Variants in LRBA observed in about 807,000 individuals in gnomAD.
LRBA encodes the protein LPS responsive beige-like anchor protein, also known as lipopolysaccharide-responsive and beige-like anchor protein.
Under a neutral mutation model 330.0 loss-of-function variants are expected in LRBA, and 176 were observed. That is an observed-to-expected ratio of 0.53 (90% CI 0.47 to 0.60). LRBA has a LOEUF of 0.60. LRBA is among the 20% of genes least tolerant of loss of function. The probability of loss-of-function intolerance (pLI) is 0.00; values close to 1 mark genes in which losing one functional copy is unlikely to be tolerated. For missense variants in LRBA, 3,259 were observed against 3,444.8 expected (o/e 0.95, Z 1.35); for synonymous variants, 1,230 against 1,193.0 (o/e 1.03, Z -0.64).
intron 44 of LRBA, among the ~76,000 whole-genome samples, chr4:150,442,696 T>C (rs1427868395): frequency 6.6e-6 from 1 of 152,088 alleles, no homozygotes; most frequent in Non-Finnish European, 1.5e-5. Flanking sequence ...AGGAAAAAAC[T>C]AGTAAGGAAT....
At chr4:150,665,463 C>T (rs764434077) in intron 37 of LRBA, among the ~76,000 whole-genome samples, 9 of 152,080 alleles carry the variant, frequency 5.9e-5, no homozygotes, top group Admixed American at 2.0e-4. Context: ...TGAGACGCTA[C>T]GTTAACACTT....
chr4:150,411,439 T>C (rs971273172), intron 47 of LRBA, among the ~76,000 whole-genome samples: 2 of 152,186 alleles, frequency 1.3e-5, no homozygotes, highest in African/African-American at 4.8e-5. Context: ...ATGCTGGGTA[T>C]CTTAAAATGA....
chr4:150,697,893 T>C (rs1421712686), intron 36 of LRBA, among the ~76,000 whole-genome samples: 1 of 152,118 alleles, frequency 6.6e-6, no homozygotes. Context: ...ATTCAAGCTA[T>C]AAAACTTTTT....
chr4:150,683,974 C>G, intron 36 of LRBA: 1 of 331,262 alleles, frequency 3.0e-6, no homozygotes, highest in East Asian at 5.2e-5. Context: ...GAGACAAAGA[C>G]AGTCTTGTAA....
chr4:150,957,262 GTGGAACTGGGGAGGCCTCACAATCA>G (rs1175551187), intron 2 of LRBA, among the ~76,000 whole-genome samples: 2 of 148,536 alleles, frequency 1.3e-5, no homozygotes, highest in Non-Finnish European at 2.9e-5. Flanking sequence ...CCACTCCCCA[GTGGAACTGGGGAGGCCTCACAATCA>G]TGGCTGAAGG....
chr4:150,379,988 C>T (rs553170031), intron 47 of LRBA, among the ~76,000 whole-genome samples: 2 of 139,416 alleles, frequency 1.4e-5, no homozygotes, highest in South Asian at 2.3e-4. Flanking sequence ...CATGGAGAAA[C>T]CCCATTTCTA....
At chr4:150,851,743 T>C (rs1414862239) in intron 23 of LRBA, 142 bp downstream of exon 23, 5 of 847,464 alleles carry the variant, frequency 5.9e-6, no homozygotes, top group South Asian at 2.6e-5. Context: ...TGATCTGAAA[T>C]ACAATCTTCA....
chr4:150,377,406 T>C (rs1741510768), intron 47 of LRBA, among the ~76,000 whole-genome samples: 1 of 152,192 alleles, frequency 6.6e-6, no homozygotes, highest in Non-Finnish European at 1.5e-5. Context: ...GCATTTAAGG[T>C]AACACTCATA....
At chr4:150,734,124 G>A (rs1033462779) in intron 36 of LRBA, among the ~76,000 whole-genome samples, 1 of 151,904 alleles carries the variant, frequency 6.6e-6, no homozygotes, top group Non-Finnish European at 1.5e-5. Flanking sequence ...TATTTGTATT[G>A]TTTTCTTATA....
chr4:150,812,930 G>A (rs1029596753), intron 31 of LRBA, among the ~76,000 whole-genome samples: 2 of 152,042 alleles, frequency 1.3e-5, no homozygotes, highest in African/African-American at 2.4e-5. Context: ...GGTGAAAGTG[G>A]AAGGATCACT....
chr4:150,500,190 A>T (rs144355918), intron 40 of LRBA, among the ~76,000 whole-genome samples: 1 of 152,232 alleles, frequency 6.6e-6, no homozygotes, highest in African/African-American at 2.4e-5. Flanking sequence ...TTATGTGTAT[A>T]CAACATCTTT....
intron 2 of LRBA, among the ~76,000 whole-genome samples, chr4:150,935,292 C>A (rs1292258958): frequency 6.6e-6 from 1 of 151,882 alleles, no homozygotes; most frequent in East Asian, 1.9e-4. Flanking sequence ...AACTTCAGCT[C>A]AAAATGTCAT....
At chr4:150,308,781 T>C (rs1184392474) in intron 52 of LRBA, among the ~76,000 whole-genome samples, 1 of 152,190 alleles carries the variant, frequency 6.6e-6, no homozygotes, top group Non-Finnish European at 1.5e-5. Context: ...TAAGGATATA[T>C]AGAAAATATT....
rs547602828 is a variant in LRBA at position 150,499,537 on chromosome 4, G to C, written c.6331-8502C>G. ...TGCCTGTAGTTCCGGCTACTCCAGA[G>C]GCTGAGGTGGGAGGACTGCTCGAGC... On this transcript the variant is annotated intron_variant, in intron 40 of 56. Coordinates refer to ENST00000651943, the MANE Select transcript of LRBA (RefSeq NM_001364905.1). Among the ~76,000 whole-genome samples, 5 of 152,216 alleles carry C rather than the reference G, an allele frequency of 3.3e-5. No homozygotes were observed. In the East Asian group the frequency reaches 5.8e-4, roughly 18 times the overall value.
intron 46 of LRBA, among the ~76,000 whole-genome samples, chr4:150,421,057 TA>T: frequency 1.2e-4 from 5 of 41,798 alleles, no homozygotes; most frequent in African/African-American, 4.8e-4. Context: ...TACATTATAA[TA>T]TATATAAAGT....
intron 55 of LRBA, 58 bp downstream of exon 55, chr4:150,282,392 C>A: frequency 6.8e-7 from 1 of 1,479,486 alleles, no homozygotes. Context: ...TCTCCCTCCC[C>A]ACTTGACACA....
chr4:150,972,094 C>T (rs1185073273), intron 2 of LRBA, among the ~76,000 whole-genome samples: 1 of 152,062 alleles, frequency 6.6e-6, no homozygotes, highest in Non-Finnish European at 1.5e-5. Context: ...TAATGAGCAC[C>T]ATCTCATGGG....
At chr4:150,759,412 T>A (rs2126455753) in intron 35 of LRBA, among the ~76,000 whole-genome samples, 1 of 152,322 alleles carries the variant, frequency 6.6e-6, no homozygotes, top group East Asian at 1.9e-4. Context: ...ATTCCTCAAA[T>A]ACACCACAGA....
At chr4:150,279,189 G>A (rs1431747174) in intron 55 of LRBA, among the ~76,000 whole-genome samples, 1 of 152,160 alleles carries the variant, frequency 6.6e-6, no homozygotes, top group Non-Finnish European at 1.5e-5. Context: ...GCTTTCACAG[G>A]TAGTTGCAGC....
Sources: allele counts gnomAD v4.1 joint callset (sites outside exome capture counted in the v4.1 genomes callset), GRCh38; gene constraint gnomAD v4.1.1; transcripts MANE v1.5; gene names NCBI Gene and HGNC (gene_info 2026-07-23, HGNC 2026-07-21).